The following PTPRT variants were observed in gnomAD, a reference collection of about 807,000 sequenced individuals.
The protein encoded by PTPRT is receptor-type tyrosine-protein phosphatase T.
Under a neutral mutation model 176.8 loss-of-function variants are expected in PTPRT, and 56 were observed. That is an observed-to-expected ratio of 0.32 (90% CI 0.26 to 0.40). PTPRT has a LOEUF of 0.40. Among genes scored for constraint, PTPRT ranks in the 10% least tolerant of loss-of-function variants. PTPRT has a pLI of 1.00. For missense variants in PTPRT, 1,540 were observed against 1,908.2 expected (o/e 0.81, Z 3.60); for synonymous variants, 783 against 739.0 (o/e 1.06, Z -0.96).
intron 16 of PTPRT, among the ~76,000 whole-genome samples, chr20:42,185,511 C>T (rs187158376): frequency 3.2e-4 from 48 of 152,268 alleles, no homozygotes; most frequent in Non-Finnish European, 6.0e-4. Context: ...TTGTAAAATT[C>T]CCTTCAGTGT....
At chr20:42,967,229 T>C (rs1240173128) in intron 1 of PTPRT, among the ~76,000 whole-genome samples, 2 of 152,154 alleles carry the variant, frequency 1.3e-5, no homozygotes, top group African/African-American at 4.8e-5. Flanking sequence ...TCCTAATCTC[T>C]TGAACGTGTG....
chr20:42,527,726 C>T (rs2072303969), intron 7 of PTPRT, among the ~76,000 whole-genome samples: 1 of 152,090 alleles, frequency 6.6e-6, no homozygotes, highest in Non-Finnish European at 1.5e-5. Flanking sequence ...TGTAGGCTGT[C>T]CCTGAAAATG....
chr20:42,290,647 A>C (rs1016307704), intron 12 of PTPRT, among the ~76,000 whole-genome samples: 1 of 151,596 alleles, frequency 6.6e-6, no homozygotes, highest in Non-Finnish European at 1.5e-5. Flanking sequence ...AAATAATTTT[A>C]TTTATTTATT....
At chr20:42,790,197 A>C (rs2077351696) in intron 3 of PTPRT, among the ~76,000 whole-genome samples, 1 of 151,292 alleles carries the variant, frequency 6.6e-6, no homozygotes, top group Non-Finnish European at 1.5e-5. Context: ...ATTCTGTGAT[A>C]TGTACATTTT....
chr20:42,854,308 T>A (rs1329891781), intron 2 of PTPRT, among the ~76,000 whole-genome samples: 1 of 152,214 alleles, frequency 6.6e-6, no homozygotes, highest in Non-Finnish European at 1.5e-5. Context: ...AGGAACTCTA[T>A]CCTTGAAGCA....
chr20:42,179,450 G>T (rs1990425748), intron 16 of PTPRT, among the ~76,000 whole-genome samples: 1 of 152,128 alleles, frequency 6.6e-6, no homozygotes, highest in Non-Finnish European at 1.5e-5. Flanking sequence ...AGTTAACAAT[G>T]TACTTTCAAT....
intron 16 of PTPRT, among the ~76,000 whole-genome samples, chr20:42,177,863 C>T (rs1276347170): frequency 1.3e-5 from 2 of 151,776 alleles, no homozygotes; most frequent in Non-Finnish European, 2.9e-5. Flanking sequence ...CCCTCCCCTC[C>T]CCTTCCCTTC....
intron 1 of PTPRT, among the ~76,000 whole-genome samples, chr20:42,890,889 GTT>G (rs1241183571): frequency 6.6e-6 from 1 of 152,112 alleles, no homozygotes; most frequent in South Asian, 2.1e-4. Context: ...CATAGGGGTG[GTT>G]TCCCCCATAC....
At chr20:43,100,759 G>A (rs1297469990) in intron 1 of PTPRT, among the ~76,000 whole-genome samples, 1 of 152,206 alleles carries the variant, frequency 6.6e-6, no homozygotes, top group Non-Finnish European at 1.5e-5. Flanking sequence ...TAAAAGCACT[G>A]GGGGACACCC....
intron 2 of PTPRT, among the ~76,000 whole-genome samples, chr20:42,877,382 A>G (rs1322955094): frequency 2.6e-5 from 4 of 152,180 alleles, no homozygotes; most frequent in East Asian, 1.9e-4. Flanking sequence ...AGCAGCTGGC[A>G]TCTTCACCTC....
chr20:42,780,218 T>G lies in PTPRT; in HGVS notation c.568A>C (p.Arg190=). Residue 190 remains arginine (R), a splice_region_variant and synonymous_variant, in exon 4 of 31, where the codon AGA becomes CGA. Transcript: ENST00000373187. ...TGTTGGGAGGAAGGGAAAGACTTAC[T>G]GCATGGATGAGCAAGGACCCGGACC... ...DEVRVLAHPC[R]KAPHFLRLQN... 1 of 1,612,444 alleles carries G rather than the reference T, an allele frequency of 6.2e-7. No homozygotes were observed. The highest frequency in any genetic ancestry group is 1.1e-5 in the South Asian group (1 of 91,040).
intron 7 of PTPRT, among the ~76,000 whole-genome samples, chr20:42,495,870 C>T (rs1288751319): frequency 6.6e-6 from 1 of 152,064 alleles, no homozygotes; most frequent in Non-Finnish European, 1.5e-5. Context: ...GTATATAATG[C>T]AAGGGTTAGA....
At chr20:42,065,235 T>C in the PTPRT span, among the ~76,000 whole-genome samples, 8 of 152,264 alleles carry the variant, frequency 5.3e-5, no homozygotes, top group Admixed American at 4.6e-4. Flanking sequence ...ATACTTGCTT[T>C]GGGATAATTG....
Position 42,817,986 on chromosome 20 carries a change from C to T in PTPRT, c.215-26520G>A, listed in dbSNP as rs192619505. On this transcript the variant is annotated intron_variant, in intron 2 of 30. Coordinates refer to ENST00000373187, the MANE Select transcript of PTPRT (RefSeq NM_007050.6). ...AGGCAGCCCAGACAAGTAGGTTTCC[C>T]CCCAGCAAAGCACACCCTCTCCACC... Among the ~76,000 whole-genome samples the T allele has an allele frequency of 7.9e-4, 121 of 152,282 alleles. 1 individual carries two copies. Among genetic ancestry groups the T allele is most frequent in the African/African-American group, 2.7e-3 (111 of 41,560 alleles).
intron 6 of PTPRT, among the ~76,000 whole-genome samples, chr20:42,727,757 T>C (rs568032733): frequency 1.3e-5 from 2 of 152,212 alleles, no homozygotes; most frequent in Non-Finnish European, 2.9e-5. Flanking sequence ...CTGATCTTAC[T>C]AATGACACAT....
At chr20:42,361,227 G>A (rs879381750) in intron 9 of PTPRT, among the ~76,000 whole-genome samples, 34 of 152,170 alleles carry the variant, frequency 2.2e-4, no homozygotes, top group Admixed American at 1.3e-4. Flanking sequence ...ATGCCTGTCC[G>A]GCACAGAGTT....
chr20:42,647,473 A>G (rs1037561935), intron 7 of PTPRT, among the ~76,000 whole-genome samples: 1 of 152,126 alleles, frequency 6.6e-6, no homozygotes, highest in African/African-American at 2.4e-5. Flanking sequence ...TGCACGTTTC[A>G]GGTTCAATTT....
At position 42,777,015 on chromosome 20, in the gene PTPRT, G is replaced by A. The variant is rs78988681; in HGVS notation, c.568+3203C>T. Among the ~76,000 whole-genome samples the A allele has an allele frequency of 4.5e-4, 69 of 152,078 alleles. 2 individuals are homozygous for A. In the East Asian group the frequency reaches 0.011, roughly 25 times the overall value. Reference sequence around the variant, plus strand: ...GAATGGTGCCTGACATGGAGCTCACGCTCAGTAAATACTTGTTGGATGATG... The same window carrying A: ...GAATGGTGCCTGACATGGAGCTCACACTCAGTAAATACTTGTTGGATGATG... On this transcript the variant is annotated intron_variant, in intron 4 of 30. Coordinates refer to ENST00000373187, the MANE Select transcript of PTPRT (RefSeq NM_007050.6).
chr20:42,628,588 C>G (rs2074342433), intron 7 of PTPRT, among the ~76,000 whole-genome samples: 1 of 152,116 alleles, frequency 6.6e-6, no homozygotes. Context: ...GGTATGTTGA[C>G]CATCTACTTT....
Sources: gnomAD v4.1 joint callset for allele counts (sites outside exome capture counted in the v4.1 genomes callset) on GRCh38, gnomAD v4.1.1 for gene constraint, MANE v1.5 for transcripts, NCBI Gene and HGNC (gene_info 2026-07-23, HGNC 2026-07-21) for gene names.